STXBP5L: variants seen among roughly 807,000 people sequenced by gnomAD.
STXBP5L encodes the protein syntaxin binding protein 5L.
Under a neutral mutation model 144.5 loss-of-function variants are expected in STXBP5L, and 65 were observed. The observed-to-expected ratio is 0.45, with a 90% CI of 0.37 to 0.55. The LOEUF is 0.55. Ranked by LOEUF, STXBP5L falls within the 20% of genes least tolerant of loss-of-function variation. The probability of loss-of-function intolerance (pLI) is 0.00; values close to 1 mark genes in which losing one functional copy is unlikely to be tolerated. For missense variants in STXBP5L, 1,298 were observed against 1,405.5 expected (o/e 0.92, Z 1.22); for synonymous variants, 505 against 469.6 (o/e 1.08, Z -0.97).
chr3:121,421,329 G>T lies in STXBP5L; in HGVS notation c.*2232G>T, dbSNP rs2047348994. The T allele has an allele frequency of 1.3e-5, 2 of 152,016 alleles. No homozygotes were observed. The highest frequency in any genetic ancestry group is 2.9e-5 in the Non-Finnish European group (2 of 68,022). 9.4% of individuals were successfully genotyped at this position (152,016 alleles called of 1,614,324 possible). A position where few individuals can be genotyped will look rare whatever the true frequency, so the allele number is the denominator to read the frequency against. On this transcript the variant is annotated 3_prime_UTR_variant, in exon 27 of 27. Coordinates refer to ENST00000471454, the MANE Select transcript of STXBP5L (RefSeq NM_001308330.2). ...AATAAGATTTAACTTGTTTTAACTT[G>T]ATCTACATCGAGATTTCTCAAAAGC...
chr3:120,948,194 G>A (rs1317326551), intron 2 of STXBP5L, among the ~76,000 whole-genome samples: 2 of 151,360 alleles, frequency 1.3e-5, no homozygotes, highest in Non-Finnish European at 3.0e-5. Flanking sequence ...TTCCCTAATG[G>A]CTAATGATGT....
chr3:121,351,511 T>C (rs1316759591), intron 20 of STXBP5L, among the ~76,000 whole-genome samples: 1 of 152,184 alleles, frequency 6.6e-6, no homozygotes, highest in Non-Finnish European at 1.5e-5. Flanking sequence ...TCTGTTCATA[T>C]CCTTTGCCCA....
intron 5 of STXBP5L, among the ~76,000 whole-genome samples, chr3:121,093,896 C>T (rs1019807289): frequency 1.8e-4 from 27 of 152,040 alleles, no homozygotes; most frequent in Admixed American, 1.3e-4. Context: ...CCTGCTTTCT[C>T]TTGTGGGCAT....
chr3:121,053,612 T>C (rs1473312841), intron 5 of STXBP5L, among the ~76,000 whole-genome samples: 3 of 152,160 alleles, frequency 2.0e-5, no homozygotes, highest in Non-Finnish European at 2.9e-5. Flanking sequence ...GACTTAAATG[T>C]TAGACCTAAA....
At chr3:121,003,297 T>C (rs1048246826) in intron 3 of STXBP5L, among the ~76,000 whole-genome samples, 2 of 149,174 alleles carry the variant, frequency 1.3e-5, no homozygotes, top group African/African-American at 5.0e-5. Context: ...TACATTTCTC[T>C]GATGGCCAGT....
At position 120,914,315 on chromosome 3, in the gene STXBP5L, T is replaced by G. The variant is rs564609783; in HGVS notation, c.189+4548T>G. Among the ~76,000 whole-genome samples, 7 of 152,194 alleles carry G rather than the reference T, an allele frequency of 4.6e-5. No homozygotes were observed. The South Asian group carries it at 1.5e-3, about 32-fold the overall frequency. On this transcript the variant is annotated intron_variant, in intron 2 of 26. Transcript: ENST00000471454. ...TAAATTTCTGAATAAACTCTTAAAT[T>G]AGCCAACTCACTATTCATAATCATT...
At chr3:121,191,163 C>T (rs538988977) in intron 9 of STXBP5L, among the ~76,000 whole-genome samples, 9 of 152,288 alleles carry the variant, frequency 5.9e-5, no homozygotes, top group South Asian at 2.1e-4. Context: ...GCTGCAATCT[C>T]GGCACTTTGG....
intron 2 of STXBP5L, among the ~76,000 whole-genome samples, chr3:120,946,888 G>A (rs1710888078): frequency 6.6e-6 from 1 of 151,740 alleles, no homozygotes. Context: ...AGTGCCTCTT[G>A]CAATATCAGC....
chr3:120,998,830 A>T (rs1198856344), intron 3 of STXBP5L, among the ~76,000 whole-genome samples: 1 of 152,186 alleles, frequency 6.6e-6, no homozygotes, highest in Non-Finnish European at 1.5e-5. Flanking sequence ...AGATCTGTAC[A>T]ATCAGAATTA....
chr3:121,417,591 G>A (rs560931197), intron 25 of STXBP5L, among the ~76,000 whole-genome samples: 4 of 152,014 alleles, frequency 2.6e-5, no homozygotes, highest in South Asian at 2.1e-4. Flanking sequence ...TCAGCCTCCC[G>A]AGTAGCTGGG....
chr3:121,188,698 T>A lies in STXBP5L; in HGVS notation c.878-17225T>A, dbSNP rs548018076. Among the ~76,000 whole-genome samples the A allele has an allele frequency of 2.6e-4, 40 of 152,190 alleles. 1 individual carries two copies. The South Asian group carries it at 8.3e-3, about 32-fold the overall frequency. ...TAATCCAGCATATAAAGAGAACCAA[T>A]GACAAAAACCACATGATTATCTCAA... On this transcript the variant is annotated intron_variant, in intron 9 of 26. Transcript: ENST00000471454.
chr3:121,034,134 AT>A (rs1245697510), intron 3 of STXBP5L, among the ~76,000 whole-genome samples: 2 of 151,898 alleles, frequency 1.3e-5, no homozygotes, highest in Non-Finnish European at 1.5e-5. Flanking sequence ...TGTTTTCTTT[AT>A]TTTTTTCTGA....
intron 5 of STXBP5L, among the ~76,000 whole-genome samples, chr3:121,051,392 G>C (rs1447241777): frequency 1.3e-5 from 2 of 152,114 alleles, no homozygotes; most frequent in Non-Finnish European, 2.9e-5. Context: ...CTGTCTCTCA[G>C]ACAACAGTGC....
chr3:121,009,979 C>G (rs1163524101), intron 3 of STXBP5L, among the ~76,000 whole-genome samples: 1 of 151,848 alleles, frequency 6.6e-6, no homozygotes, highest in Non-Finnish European at 1.5e-5. Flanking sequence ...ACACCACATG[C>G]TAGAGGCTAT....
At chr3:121,376,623 T>A (rs1349214655) in intron 20 of STXBP5L, among the ~76,000 whole-genome samples, 2 of 152,186 alleles carry the variant, frequency 1.3e-5, no homozygotes, top group Non-Finnish European at 2.9e-5. Flanking sequence ...TCATGCTGTT[T>A]TGGTTACTAT....
At chr3:120,987,373 A>G (rs1942386018) in intron 3 of STXBP5L, among the ~76,000 whole-genome samples, 1 of 151,966 alleles carries the variant, frequency 6.6e-6, no homozygotes, top group African/African-American at 2.4e-5. Context: ...ATGCTGGCTA[A>G]TGACATTGAA....
At chr3:121,171,242 C>A (rs1001010193) in intron 9 of STXBP5L, among the ~76,000 whole-genome samples, 1 of 152,172 alleles carries the variant, frequency 6.6e-6, no homozygotes. Context: ...AACAAACCCA[C>A]AGCCAATATA....
intron 20 of STXBP5L, among the ~76,000 whole-genome samples, chr3:121,349,800 C>G (rs1041608598): frequency 6.6e-6 from 1 of 151,162 alleles, no homozygotes; most frequent in Non-Finnish European, 1.5e-5. Flanking sequence ...TTTTTGTTTT[C>G]CATTTGCTTG....
chr3:121,376,393 T>G (rs1400157088), intron 20 of STXBP5L, among the ~76,000 whole-genome samples: 2 of 152,252 alleles, frequency 1.3e-5, no homozygotes, highest in Non-Finnish European at 2.9e-5. Context: ...TTAATCCATC[T>G]GGAGTTAATT....
Sources: allele counts gnomAD v4.1 joint callset (sites outside exome capture counted in the v4.1 genomes callset), GRCh38; gene constraint gnomAD v4.1.1; transcripts MANE v1.5; gene names NCBI Gene and HGNC (gene_info 2026-07-23, HGNC 2026-07-21).